The following CD1B variants were observed in gnomAD, a reference collection of about 807,000 sequenced individuals.
CD1B encodes the protein T-cell surface glycoprotein CD1b.
Under a neutral mutation model 39.8 loss-of-function variants are expected in CD1B, and 43 were observed. The observed-to-expected ratio is 1.08, with a 90% CI of 0.85 to 1.39. The LOEUF (loss-of-function observed/expected upper bound fraction) is 1.39. CD1B is among the 40% of genes most tolerant of loss of function. The pLI is 0.00. For missense variants in CD1B, 495 were observed against 403.8 expected (o/e 1.23, Z -1.94); for synonymous variants, 192 against 152.5 (o/e 1.26, Z -1.91).
the CD1B span, among the ~76,000 whole-genome samples, chr1:158,309,124 C>T: frequency 1.2e-4 from 19 of 152,042 alleles, no homozygotes; most frequent in Non-Finnish European, 2.1e-4. Context: ...TGAACTCAAA[C>T]AAATTTACAA....
At chr1:158,302,736 A>G in the CD1B span, among the ~76,000 whole-genome samples, 3 of 152,318 alleles carry the variant, frequency 2.0e-5, no homozygotes, top group East Asian at 5.8e-4. Context: ...TGAACCAGGA[A>G]GAAATTGAAA....
the CD1B span, among the ~76,000 whole-genome samples, chr1:158,309,840 G>A: frequency 6.7e-6 from 1 of 150,166 alleles, no homozygotes; most frequent in African/African-American, 2.5e-5. Flanking sequence ...GTGGGGTGGG[G>A]GGAAGGGGGA....
chr1:158,328,178 C>T lies in CD1B; in HGVS notation c.*58G>A. 5 of 1,338,870 alleles carry T rather than the reference C, an allele frequency of 3.7e-6. No individual in the cohort carries two copies. Among genetic ancestry groups the T allele is most frequent in the Non-Finnish European group, 5.3e-6 (5 of 941,302 alleles). 82.9% of individuals were successfully genotyped at this position (1,338,870 alleles called of 1,614,324 possible). On this transcript the variant is annotated 3_prime_UTR_variant, in exon 6 of 6. Transcript: ENST00000368168. The stretch of plus-strand genomic sequence containing the variant: ...AAATATGATAAGATTGACTTTTGGG[C>T]TGATATCTTGGGCTTCTTGGTACTT...
chr1:158,298,993 T>A, the CD1B span, among the ~76,000 whole-genome samples: 1 of 152,308 alleles, frequency 6.6e-6, no homozygotes, highest in African/African-American at 2.4e-5. Context: ...TGTTCCTAAT[T>A]AAATACCCTT....
At chr1:158,316,002 G>A in the CD1B span, among the ~76,000 whole-genome samples, 111 of 152,020 alleles carry the variant, frequency 7.3e-4, 4 homozygotes, top group South Asian at 0.023. Flanking sequence ...GCTCTGTTCT[G>A]TTCCATTGAT....
chr1:158,313,822 A>C, the CD1B span, among the ~76,000 whole-genome samples: 2 of 152,060 alleles, frequency 1.3e-5, no homozygotes, highest in Non-Finnish European at 2.9e-5. Context: ...GGAGACTTTA[A>C]ACTATTGTTT....
chr1:158,330,102 G>C lies in CD1B; in HGVS notation c.357C>G (p.Gly119=). The C allele has an allele frequency of 1.2e-6, 2 of 1,613,674 alleles. No homozygotes were observed. The highest frequency in any genetic ancestry group is 1.7e-6 in the Non-Finnish European group (2 of 1,179,750). ...KYPFEIQGIA[G]CELHSGGAIV... ...TGGCACCTCCAGAATGTAGCTCACAGCCTGCTATGCCCTGGATCTCAAAGG... is the reference window on the plus strand; with the variant it reads ...TGGCACCTCCAGAATGTAGCTCACACCCTGCTATGCCCTGGATCTCAAAGG... The change falls in exon 3 of 6, where the codon GGC becomes GGG. Residue 119 remains glycine (G), a synonymous_variant. Transcript: ENST00000368168.
the CD1B span, among the ~76,000 whole-genome samples, chr1:158,296,222 A>C: frequency 1.4e-5 from 2 of 148,052 alleles, no homozygotes; most frequent in South Asian, 4.3e-4. Flanking sequence ...GACTGGGAGC[A>C]CCTTGGCCCC....
At chr1:158,298,912 T>C in the CD1B span, among the ~76,000 whole-genome samples, 22 of 152,298 alleles carry the variant, frequency 1.4e-4, no homozygotes, top group East Asian at 4.2e-3. Context: ...AAAGAGATTT[T>C]GGGCTGAGGT....
the CD1B span, chr1:158,291,950 C>G: frequency 1.2e-6 from 1 of 839,628 alleles, no homozygotes; most frequent in East Asian, 2.5e-5. Context: ...TGTTTCTGAT[C>G]AAATATGTCT....
At chr1:158,309,559 T>C in the CD1B span, among the ~76,000 whole-genome samples, 21 of 152,174 alleles carry the variant, frequency 1.4e-4, no homozygotes, top group African/African-American at 5.1e-4. Flanking sequence ...CTATTCACAA[T>C]AGCAAAGACT....
At chr1:158,321,242 G>A in the CD1B span, among the ~76,000 whole-genome samples, 8 of 152,152 alleles carry the variant, frequency 5.3e-5, no homozygotes, top group East Asian at 1.4e-3. Context: ...ATTTACCCCT[G>A]TATCAGTTTT....
chr1:158,291,333 A>G, the CD1B span: 2 of 1,614,108 alleles, frequency 1.2e-6, no homozygotes, highest in Non-Finnish European at 1.7e-6. Context: ...TAGAGTTGTT[A>G]TTTCGTTTCT....
At chr1:158,329,036 A>C in intron 4 of CD1B, 22 bp from the exon 5 acceptor site, 1 of 1,576,526 alleles carries the variant, frequency 6.3e-7, no homozygotes, top group Non-Finnish European at 8.7e-7. Context: ...GAGAGGACAA[A>C]AGGATGTCAC....
the CD1B span, chr1:158,292,807 G>A: frequency 2.5e-6 from 4 of 1,614,102 alleles, no homozygotes; most frequent in Admixed American, 3.3e-5. Flanking sequence ...CATCTGAGGA[G>A]CCTGCTGGCC....
At chr1:158,298,569 G>A in the CD1B span, among the ~76,000 whole-genome samples, 1 of 152,192 alleles carries the variant, frequency 6.6e-6, no homozygotes, top group South Asian at 2.1e-4. Flanking sequence ...TTGGTAGCTT[G>A]ATAGGGATGG....
downstream of CD1B, among the ~76,000 whole-genome samples, chr1:158,326,166 G>C (rs1311938320): frequency 6.6e-6 from 1 of 151,924 alleles, no homozygotes; most frequent in African/African-American, 2.4e-5. Flanking sequence ...TAGAGATGGG[G>C]TTTCACCGTG....
chr1:158,307,785 C>T, the CD1B span, among the ~76,000 whole-genome samples: 1 of 152,266 alleles, frequency 6.6e-6, no homozygotes, highest in Non-Finnish European at 1.5e-5. Flanking sequence ...AATTCAACAA[C>T]CCTTCATGCT....
rs982909228 is a variant in CD1B, at chr1:158,329,707, A to G, written c.608-59T>C. On this transcript the variant is annotated intron_variant, in intron 3 of 5. Transcript: ENST00000368168. ...TATAACTCGAGTTCAGAGGTTATGA[A>G]CTCAGAAACCTACAAGCTTGGACAG... is the stretch of plus-strand genomic sequence containing the variant. The G allele has an allele frequency of 3.8e-6, 6 of 1,587,018 alleles. No homozygotes were observed. In the African/African-American group the frequency reaches 5.4e-5, roughly 14 times the overall value.
Sources: allele counts gnomAD v4.1 joint callset (sites outside exome capture counted in the v4.1 genomes callset), GRCh38; gene constraint gnomAD v4.1.1; transcripts MANE v1.5; gene names NCBI Gene and HGNC (gene_info 2026-07-23, HGNC 2026-07-21).